Variants in DCDC2 observed in about 807,000 individuals in gnomAD.
DCDC2 encodes the protein doublecortin domain containing 2.
Under a neutral mutation model 50.2 loss-of-function variants are expected in DCDC2, and 40 were observed. The ratio of observed to expected loss-of-function variants is 0.80; its 90% confidence interval spans 0.62 to 1.04. The LOEUF is 1.04. Among genes scored for constraint, DCDC2 ranks in the 50% least tolerant of loss-of-function variants. DCDC2 has a pLI of 0.00. For missense variants in DCDC2, 570 were observed against 581.9 expected (o/e 0.98, Z 0.21); for synonymous variants, 234 against 210.6 (o/e 1.11, Z -0.96).
chr6:24,304,962 C>T (rs1759444500), intron 2 of DCDC2, among the ~76,000 whole-genome samples: 1 of 152,168 alleles, frequency 6.6e-6, no homozygotes. Context: ...AGAGGATGCT[C>T]TGCTGTTATC....
intron 7 of DCDC2, among the ~76,000 whole-genome samples, chr6:24,225,467 T>C (rs1167282588): frequency 6.6e-6 from 1 of 152,032 alleles, no homozygotes; most frequent in African/African-American, 2.4e-5. Context: ...AACGTAGATA[T>C]GAAGATGGAT....
At chr6:24,359,998 G>A (rs1760637513), upstream of DCDC2, among the ~76,000 whole-genome samples, 1 of 152,218 alleles carries the variant, frequency 6.6e-6, no homozygotes, top group South Asian at 2.1e-4. Flanking sequence ...GGGGAGCTCG[G>A]GCGCCGGCCG....
intron 2 of DCDC2, among the ~76,000 whole-genome samples, chr6:24,310,495 T>C (rs9366566): frequency 6.6e-6 from 1 of 152,166 alleles, no homozygotes; most frequent in Non-Finnish European, 1.5e-5. Context: ...TTGGCTCACA[T>C]TAAATGTTGG....
At chr6:24,329,575 T>C (rs1362666318) in intron 2 of DCDC2, among the ~76,000 whole-genome samples, 1 of 152,118 alleles carries the variant, frequency 6.6e-6, no homozygotes, top group African/African-American at 2.4e-5. Flanking sequence ...AACTTAACAT[T>C]AGCCATCCAA....
At chr6:24,319,160 A>G (rs1759727624) in intron 2 of DCDC2, among the ~76,000 whole-genome samples, 1 of 152,086 alleles carries the variant, frequency 6.6e-6, no homozygotes, top group Admixed American at 6.6e-5. Flanking sequence ...TGCATTTTTA[A>G]TTTGCATTTC....
At chr6:24,193,309 A>G (rs1269979857) in intron 8 of DCDC2, among the ~76,000 whole-genome samples, 1 of 152,184 alleles carries the variant, frequency 6.6e-6, no homozygotes, top group African/African-American at 2.4e-5. Flanking sequence ...CCAAAAAAAG[A>G]AGAGAACCAT....
chr6:24,277,970 C>G, intron 7 of DCDC2, 79 bp downstream of exon 7: 1 of 1,190,148 alleles, frequency 8.4e-7, no homozygotes, highest in Non-Finnish European at 1.2e-6. Context: ...GGAATATCTT[C>G]TGTGGGCCCA....
chr6:24,276,301 T>G (rs1763356168), intron 7 of DCDC2, among the ~76,000 whole-genome samples: 1 of 152,098 alleles, frequency 6.6e-6, no homozygotes, highest in South Asian at 2.1e-4. Context: ...AGGTGACAAC[T>G]ACTTAATTTA....
intron 2 of DCDC2, among the ~76,000 whole-genome samples, chr6:24,313,466 T>C (rs955751194): frequency 2.0e-5 from 3 of 152,158 alleles, no homozygotes; most frequent in Non-Finnish European, 4.4e-5. Context: ...GATTTCACCA[T>C]TGCCATTTTT....
chr6:24,313,286 G>C (rs551488877), intron 2 of DCDC2, among the ~76,000 whole-genome samples: 1 of 151,974 alleles, frequency 6.6e-6, no homozygotes, highest in South Asian at 2.1e-4. Flanking sequence ...ATGCTTAAGA[G>C]AATAATATGG....
chr6:24,353,240 T>C, intron 2 of DCDC2: 2 of 472,726 alleles, frequency 4.2e-6, no homozygotes, highest in Non-Finnish European at 8.7e-6. Flanking sequence ...GTAGCTTTGG[T>C]AAAGATTTAT....
intron 8 of DCDC2, among the ~76,000 whole-genome samples, chr6:24,186,134 AC>A (rs1161655305): frequency 2.0e-5 from 3 of 152,256 alleles, no homozygotes; most frequent in East Asian, 1.9e-4. Context: ...CAGAAGTAAT[AC>A]GAATGTACAA....
At chr6:24,191,473 C>T (rs1429889848) in intron 8 of DCDC2, among the ~76,000 whole-genome samples, 1 of 152,096 alleles carries the variant, frequency 6.6e-6, no homozygotes, top group Non-Finnish European at 1.5e-5. Flanking sequence ...ATCCCAGGGA[C>T]AGGTCAAAAA....
chr6:24,303,826 A>G (rs1685043931), intron 2 of DCDC2, among the ~76,000 whole-genome samples: 1 of 152,180 alleles, frequency 6.6e-6, no homozygotes, highest in African/African-American at 2.4e-5. Context: ...CTAAAATCAC[A>G]CATAATAAGT....
intron 6 of DCDC2, among the ~76,000 whole-genome samples, chr6:24,282,746 G>A (rs1763505801): frequency 7.9e-6 from 1 of 126,114 alleles, no homozygotes; most frequent in African/African-American, 3.0e-5. Context: ...TTTCATGGGT[G>A]CACCCAGAGA....
chr6:24,357,030 C>G (rs1256965335), intron 1 of DCDC2: 1 of 157,280 alleles, frequency 6.4e-6, no homozygotes, highest in East Asian at 1.9e-4. Flanking sequence ...CAATTTTCTC[C>G]TCTGGTGACA....
At chr6:24,319,051 G>C (rs77065621) in intron 2 of DCDC2, among the ~76,000 whole-genome samples, 27,743 of 152,030 alleles carry the variant, frequency 0.18, 2,662 homozygotes, top group African/African-American at 0.24. Context: ...CCCACCAACA[G>C]TGTATAAGTA....
intron 7 of DCDC2, among the ~76,000 whole-genome samples, chr6:24,218,938 T>A (rs914451482): frequency 1.3e-5 from 2 of 152,244 alleles, no homozygotes; most frequent in African/African-American, 4.8e-5. Flanking sequence ...ACAGATGGTA[T>A]CTTCCAGATA....
At chr6:24,293,578 A>C (rs1328309247) in intron 4 of DCDC2, among the ~76,000 whole-genome samples, 1 of 152,190 alleles carries the variant, frequency 6.6e-6, no homozygotes, top group Non-Finnish European at 1.5e-5. Context: ...ACTCCCACAT[A>C]ATAGTGGGAA....
Sources: gnomAD v4.1 joint callset for allele counts (sites outside exome capture counted in the v4.1 genomes callset) on GRCh38, gnomAD v4.1.1 for gene constraint, MANE v1.5 for transcripts, NCBI Gene and HGNC (gene_info 2026-07-23, HGNC 2026-07-21) for gene names.